Variants in ZNF148 observed in about 807,000 individuals in gnomAD.
ZNF148 encodes Beta-Enolase Repressor Factor-1.
A neutral mutation model predicts 67.7 loss-of-function variants in ZNF148; 7 were observed. That is an observed-to-expected ratio of 0.10 (90% CI 0.06 to 0.19). The LOEUF is 0.19. Among genes scored for constraint, ZNF148 ranks in the 10% least tolerant of loss-of-function variants. ZNF148 has a pLI of 1.00. For synonymous variants in ZNF148, 333 were observed against 330.7 expected, an observed-to-expected ratio of 1.01 and a Z score of -0.08; for missense variants, 583 against 947.1, an observed-to-expected ratio of 0.62 and a Z score of 5.05.
At chr3:125,342,589 G>GT (rs1388087953) in intron 1 of ZNF148, among the ~76,000 whole-genome samples, 1 of 147,696 alleles carries the variant, frequency 6.8e-6, no homozygotes, top group African/African-American at 2.5e-5. Context: ...ATGAAGAAAA[G>GT]TTAAAAAAAA....
rs1445893985 is a variant in ZNF148 at position 125,228,406 on chromosome 3, A to C, written c.*3935T>G. 6.6e-6 allele frequency: 1 copy of C among 152,630 alleles called. No homozygotes were observed. The highest frequency in any genetic ancestry group is 2.4e-5 in the African/African-American group (1 of 41,448). 9.5% of individuals were successfully genotyped at this position (152,630 alleles called of 1,614,324 possible). On this transcript the variant is annotated 3_prime_UTR_variant, in exon 9 of 9. Coordinates refer to ENST00000360647, the MANE Select transcript of ZNF148 (RefSeq NM_021964.3). Reference sequence around the variant, plus strand: ...AGTGTTACGTTCCAATAGGAGGAACAATGGAATTTGCTTATAAAAACTGAT... The same window carrying C: ...AGTGTTACGTTCCAATAGGAGGAACCATGGAATTTGCTTATAAAAACTGAT...
rs751889785 is a variant in ZNF148 at position 125,288,242 on chromosome 3, G to A, written c.334-14C>T. ...CTTTACGCTTATCTGTTTAAAAAAA[G>A]AAAAGCCAATTTTAGACATAAATAA... is the stretch of plus-strand genomic sequence containing the variant. On this transcript the variant is annotated splice_polypyrimidine_tract_variant and intron_variant, in intron 4 of 8. Transcript: ENST00000360647. The A allele has an allele frequency of 6.3e-7, 1 of 1,594,578 alleles. No individual in the cohort carries two copies. Among genetic ancestry groups the A allele is most frequent in the Non-Finnish European group, 8.5e-7 (1 of 1,173,898 alleles).
chr3:125,276,148 CA>C (rs1158256282), intron 7 of ZNF148, among the ~76,000 whole-genome samples: 1 of 152,060 alleles, frequency 6.6e-6, no homozygotes, highest in Non-Finnish European at 1.5e-5. Context: ...AGTAAAATAT[CA>C]AAACCTATTA....
At chr3:125,313,841 C>T (rs1213643135) in intron 3 of ZNF148, among the ~76,000 whole-genome samples, 185 bp from the exon 4 acceptor site, 1 of 151,962 alleles carries the variant, frequency 6.6e-6, no homozygotes, top group Non-Finnish European at 1.5e-5. Context: ...GAATAAAACA[C>T]AAATTTTCAT....
At chr3:125,235,572 T>A (rs1365238417) in intron 7 of ZNF148, among the ~76,000 whole-genome samples, 1 of 152,186 alleles carries the variant, frequency 6.6e-6, no homozygotes, top group Non-Finnish European at 1.5e-5. Context: ...CAGAATTCTA[T>A]CTGTACCTCT....
chr3:125,270,896 A>C (rs1937697079), intron 7 of ZNF148, among the ~76,000 whole-genome samples: 1 of 152,174 alleles, frequency 6.6e-6, no homozygotes, highest in South Asian at 2.1e-4. Flanking sequence ...AAAAGTATTT[A>C]AGTTTTGCCT....
At chr3:125,294,934 T>G (rs1939204780) in intron 4 of ZNF148, among the ~76,000 whole-genome samples, 1 of 152,190 alleles carries the variant, frequency 6.6e-6, no homozygotes, top group South Asian at 2.1e-4. Flanking sequence ...GTAAGTGTCT[T>G]ACCCAAGTTA....
chr3:125,353,392 G>A (rs907763117), intron 1 of ZNF148, among the ~76,000 whole-genome samples: 1 of 151,848 alleles, frequency 6.6e-6, no homozygotes, highest in Non-Finnish European at 1.5e-5. Flanking sequence ...TTTATATATG[G>A]CATAAAATTG....
At chr3:125,239,521 TAAC>T (rs1320139392) in intron 7 of ZNF148, among the ~76,000 whole-genome samples, 1 of 152,024 alleles carries the variant, frequency 6.6e-6, no homozygotes, top group Non-Finnish European at 1.5e-5. Context: ...AAAATAATAA[TAAC>T]AAAAGCATGG....
intron 7 of ZNF148, among the ~76,000 whole-genome samples, chr3:125,260,178 A>ACTGAAAAGGT (rs1233730272): frequency 1.3e-5 from 2 of 152,210 alleles, no homozygotes; most frequent in Admixed American, 1.3e-4. Flanking sequence ...AACAGGTAAT[A>ACTGAAAAGGT]CTGAAAAGGT....
intron 7 of ZNF148, among the ~76,000 whole-genome samples, chr3:125,266,986 G>C (rs1186828186): frequency 6.7e-6 from 1 of 149,310 alleles, no homozygotes; most frequent in Non-Finnish European, 1.5e-5. Flanking sequence ...CACCTCCCAA[G>C]ATTGAATCAG....
chr3:125,239,252 G>T lies in ZNF148; in HGVS notation c.668-4923C>A, dbSNP rs78562022. On this transcript the variant is annotated intron_variant, in intron 7 of 8. Transcript: ENST00000360647. ...AAAGTGAAGACATAACTCCAGAATG[G>T]AATAAAAAATATTTACAAATCATGT... Among the ~76,000 whole-genome samples the T allele has an allele frequency of 8.4e-3, 1,276 of 152,220 alleles. 24 individuals are homozygous for T. The highest frequency in any genetic ancestry group is 0.028 in the African/African-American group (1,181 of 41,540).
At chr3:125,313,684 A>G in intron 3 of ZNF148, 28 bp from the exon 4 acceptor site, 1 of 1,542,480 alleles carries the variant, frequency 6.5e-7, no homozygotes, top group Non-Finnish European at 8.8e-7. Context: ...GCAACAAAAC[A>G]TAGTAAATTA....
chr3:125,362,774 C>T (rs910093492), intron 1 of ZNF148, among the ~76,000 whole-genome samples: 1 of 152,108 alleles, frequency 6.6e-6, no homozygotes, highest in Non-Finnish European at 1.5e-5. Context: ...AGCATGGTCT[C>T]GAACTCCTGA....
chr3:125,325,987 CAAGA>C lies in ZNF148; in HGVS notation c.-152-2547_-152-2544del, dbSNP rs1262885416. On this transcript the variant is annotated intron_variant, in intron 2 of 8. Coordinates refer to ENST00000360647, the MANE Select transcript of ZNF148 (RefSeq NM_021964.3). Reference sequence around the variant, plus strand: ...AACTTCCAGTTAGAAACAATAGAGGCAAGAAAGACAGGGAAATCACATATTCAAA... The same window carrying C: ...AACTTCCAGTTAGAAACAATAGAGGCAAGACAGGGAAATCACATATTCAAA... Among the ~76,000 whole-genome samples, 3 of 151,986 alleles carry C rather than the reference CAAGA, an allele frequency of 2.0e-5. No homozygotes were observed. The South Asian group carries it at 6.2e-4, about 32-fold the overall frequency.
At chr3:125,326,291 C>A (rs528209723) in intron 2 of ZNF148, among the ~76,000 whole-genome samples, 1 of 152,008 alleles carries the variant, frequency 6.6e-6, no homozygotes, top group African/African-American at 2.4e-5. Flanking sequence ...CTTTAAAAGA[C>A]CTAAGAATGT....
intron 2 of ZNF148, among the ~76,000 whole-genome samples, chr3:125,326,633 C>A (rs973950451): frequency 1.5e-4 from 22 of 148,476 alleles, no homozygotes; most frequent in South Asian, 4.2e-4. Context: ...AGGATCATAT[C>A]ATATATAAAC....
At chr3:125,275,723 T>C (rs531558536) in intron 7 of ZNF148, among the ~76,000 whole-genome samples, 1 of 152,326 alleles carries the variant, frequency 6.6e-6, no homozygotes, top group East Asian at 1.9e-4. Flanking sequence ...AGATTCCCCA[T>C]GGTCTAGTGC....
chr3:125,328,115 A>ACAC, intron 2 of ZNF148, among the ~76,000 whole-genome samples: 1 of 152,066 alleles, frequency 6.6e-6, no homozygotes, highest in Admixed American at 6.5e-5. Context: ...CTTCCTAAAG[A>ACAC]CACCTGGCCA....
Sources: gnomAD v4.1 joint callset for allele counts (sites outside exome capture counted in the v4.1 genomes callset) on GRCh38, gnomAD v4.1.1 for gene constraint, MANE v1.5 for transcripts, NCBI Gene and HGNC (gene_info 2026-07-23, HGNC 2026-07-21) for gene names.